Variants in NUP214 observed in about 807,000 individuals in gnomAD.
The protein encoded by NUP214 is nuclear pore complex protein Nup214.
A neutral mutation model predicts 196.2 loss-of-function variants in NUP214; 79 were observed. The observed-to-expected ratio is 0.40, with a 90% CI of 0.34 to 0.49. NUP214 has a LOEUF of 0.49. Among genes scored for constraint, NUP214 ranks in the 20% least tolerant of loss-of-function variants. The probability of loss-of-function intolerance (pLI) is 0.58; values close to 1 mark genes in which losing one functional copy is unlikely to be tolerated. For missense variants in NUP214, 2,468 were observed against 2,539.0 expected (o/e 0.97, Z 0.60); for synonymous variants, 1,020 against 990.5 (o/e 1.03, Z -0.56).
At chr9:131,202,816 G>T (rs1833974852) in intron 30 of NUP214, among the ~76,000 whole-genome samples, 1 of 152,050 alleles carries the variant, frequency 6.6e-6, no homozygotes, top group African/African-American at 2.4e-5. Context: ...TATCCCCTCT[G>T]CTACGCTATA....
At position 131,136,136 on chromosome 9, in the gene NUP214, G is replaced by A. The variant is rs1831719961; in HGVS notation, c.1005+130G>A. The A allele has an allele frequency of 5.7e-6, 4 of 702,938 alleles. No individual in the cohort carries two copies. The East Asian group carries it at 1.1e-4, about 20-fold the overall frequency. 43.5% of individuals were successfully genotyped at this position (702,938 alleles called of 1,614,324 possible). A position where few individuals can be genotyped will look rare whatever the true frequency, so the allele number is the denominator to read the frequency against. ...GCTTACTGCAACCTCTGCCTTCCAA[G>A]TTCAAGCAATTTTGTGCCTCAGCCT... On this transcript the variant is annotated intron_variant, in intron 9 of 35. Transcript: ENST00000359428.
rs778505994 is a variant in NUP214 at position 131,163,859 on chromosome 9, T to C, written c.2724-11T>C. The C allele has an allele frequency of 6.2e-7, 1 of 1,612,290 alleles. No individual in the cohort carries two copies. Among genetic ancestry groups the C allele is most frequent in the East Asian group, 2.2e-5 (1 of 44,868 alleles). The stretch of plus-strand genomic sequence containing the variant: ...CCTAGTTGGTCTGTATCTAACACTG[T>C]TCTGTTTCAGTTTTGACAGTGACCT... On this transcript the variant is annotated splice_polypyrimidine_tract_variant and intron_variant, in intron 19 of 35. Transcript: ENST00000359428.
At chr9:131,184,369 T>C (rs1361259238) in intron 24 of NUP214, among the ~76,000 whole-genome samples, 1 of 146,350 alleles carries the variant, frequency 6.8e-6, no homozygotes, top group Non-Finnish European at 1.5e-5. Flanking sequence ...AGTCTCGCTC[T>C]GTCACTCAGG....
chr9:131,211,341 G>T (rs551342685), intron 30 of NUP214, among the ~76,000 whole-genome samples: 4 of 152,130 alleles, frequency 2.6e-5, no homozygotes, highest in African/African-American at 9.7e-5. Context: ...CTTGAATTAG[G>T]ACCAAATAAA....
Position 131,222,796 on chromosome 9 carries a change from G to C in NUP214, c.5768G>C (p.Gly1923Ala). 6.2e-7 allele frequency: 1 copy of C among 1,614,000 alleles called. No individual in the cohort carries two copies. Among genetic ancestry groups the C allele is most frequent in the Non-Finnish European group, 8.5e-7 (1 of 1,179,972 alleles). The change falls in exon 32 of 36, where the codon GGA (glycine) becomes GCA (alanine). Residue 1923 changes from glycine (G) to alanine (A), a missense_variant. Transcript: ENST00000359428. ...TATSNTSNLFGNSGAKTFGGF... is the reference protein window; with the variant it reads ...TATSNTSNLFANSGAKTFGGF... The stretch of plus-strand genomic sequence containing the variant: ...TCTTCAGATACCTCTAACCTATTTG[G>C]AAACAGTGGGGCCAAGACATTTGGT...
At chr9:131,129,891 C>G (rs1244762768) in intron 4 of NUP214, among the ~76,000 whole-genome samples, 1 of 152,122 alleles carries the variant, frequency 6.6e-6, no homozygotes, top group East Asian at 1.9e-4. Context: ...GTGTGAGGCA[C>G]TGTGCCCGGC....
rs540810263 is a variant in NUP214, at chr9:131,128,702, A to C, written c.393+219A>C. ...ACGCCATCTGCCCTAAGTTGTTATC[A>C]GGAGGCTTAGGTGACTTGCCCAAAG... On this transcript the variant is annotated intron_variant, in intron 3 of 35. Coordinates refer to ENST00000359428, the MANE Select transcript of NUP214 (RefSeq NM_005085.4). 8 of 462,516 alleles carry C rather than the reference A, an allele frequency of 1.7e-5. No individual in the cohort carries two copies. The East Asian group carries it at 2.7e-4, about 16-fold the overall frequency. The allele number at this position is 462,516 out of a possible 1,614,324, so 28.7% of individuals were successfully genotyped here.
intron 17 of NUP214, among the ~76,000 whole-genome samples, chr9:131,157,179 A>G (rs1331684244): frequency 1.3e-5 from 2 of 150,594 alleles, no homozygotes; most frequent in African/African-American, 4.9e-5. Context: ...AATTTTGGAC[A>G]CGGTCTTTCT....
At chr9:131,225,482 C>T (rs1032223348) in intron 32 of NUP214, among the ~76,000 whole-genome samples, 1 of 152,220 alleles carries the variant, frequency 6.6e-6, no homozygotes, top group African/African-American at 2.4e-5. Context: ...TATGCCCCAA[C>T]TTTTCATAGT....
At position 131,232,237 on chromosome 9, in the gene NUP214, T is replaced by C; in HGVS notation, c.6215-47T>C. 6.2e-7 allele frequency: 1 copy of C among 1,612,704 alleles called. No homozygotes were observed. The highest frequency in any genetic ancestry group is 8.5e-7 in the Non-Finnish European group (1 of 1,178,694). On this transcript the variant is annotated intron_variant, in intron 34 of 35. Transcript: ENST00000359428. The surrounding 1 kb of genome is among the most constrained non-coding windows in gnomAD (Gnocchi z 5.1). ...ACTTAGCATGGGGACCACCTTTGTCTTTCGAGTGGATGCGTGCTTTAACTT... is the reference window on the plus strand; with the variant it reads ...ACTTAGCATGGGGACCACCTTTGTCCTTCGAGTGGATGCGTGCTTTAACTT...
chr9:131,153,827 T>C (rs1009720761), intron 17 of NUP214, among the ~76,000 whole-genome samples: 13 of 152,242 alleles, frequency 8.5e-5, no homozygotes, highest in Non-Finnish European at 1.8e-4. Context: ...TTACAGTTCA[T>C]GCAGGTTTAC....
intron 23 of NUP214, 92 bp from the exon 24 acceptor site, chr9:131,178,219 G>T: frequency 1.1e-6 from 1 of 882,028 alleles, no homozygotes; most frequent in South Asian, 1.5e-5. Flanking sequence ...ATCTGCTTGG[G>T]CTCATGTCTT....
Position 131,197,355 on chromosome 9 carries a change from A to G in NUP214, c.3861A>G (p.Glu1287=). ...CCGCATCAAACACCACCCCAGGAGA[A>G]CCTGCCGCATCTAGCAGCAGACCTG... ...ITSASNTTPG[E]PAASSSRPVA... Residue 1287 remains glutamate, a synonymous_variant, in exon 29 of 36, where the codon GAA becomes GAG. Coordinates refer to ENST00000359428, the MANE Select transcript of NUP214 (RefSeq NM_005085.4). The G allele has an allele frequency of 6.2e-7, 1 of 1,614,102 alleles. No homozygotes were observed. The highest frequency in any genetic ancestry group is 8.5e-7 in the Non-Finnish European group (1 of 1,180,014).
intron 7 of NUP214, 96 bp downstream of exon 7, chr9:131,133,305 T>G (rs532998361): frequency 2.3e-4 from 32 of 140,466 alleles, no homozygotes; most frequent in South Asian, 1.1e-3. Context: ...TGTGTTTGTG[T>G]TTTTTTTTTT....
intron 4 of NUP214, 109 bp from the exon 5 acceptor site, chr9:131,130,657 C>A: frequency 9.9e-7 from 1 of 1,012,984 alleles, no homozygotes; most frequent in Non-Finnish European, 1.5e-6. Context: ...ATCCTACAAT[C>A]TTCCATGGAC....
At chr9:131,134,329 G>C (rs555155090) in intron 7 of NUP214, among the ~76,000 whole-genome samples, 1 of 152,274 alleles carries the variant, frequency 6.6e-6, no homozygotes, top group East Asian at 1.9e-4. Context: ...GCCGTGTTAG[G>C]GATAGATGAT....
At chr9:131,196,917 T>A (rs1833805731) in intron 28 of NUP214, among the ~76,000 whole-genome samples, 1 of 152,222 alleles carries the variant, frequency 6.6e-6, no homozygotes, top group African/African-American at 2.4e-5. Flanking sequence ...GGGAAGAGGC[T>A]TTTTTATTTC....
intron 30 of NUP214, among the ~76,000 whole-genome samples, chr9:131,204,188 C>T (rs559550297): frequency 1.2e-4 from 19 of 152,306 alleles, no homozygotes; most frequent in African/African-American, 4.3e-4. Flanking sequence ...CACAGACTAC[C>T]TAAACTGTAA....
intron 25 of NUP214, among the ~76,000 whole-genome samples, chr9:131,188,326 C>T (rs1002713584): frequency 6.6e-6 from 1 of 152,200 alleles, no homozygotes; most frequent in Non-Finnish European, 1.5e-5. Flanking sequence ...AACAGTTAAA[C>T]AATCCAGAAA....
Sources: allele counts gnomAD v4.1 joint callset (sites outside exome capture counted in the v4.1 genomes callset), GRCh38; gene constraint gnomAD v4.1.1; non-coding constraint Gnocchi (gnomAD v3.1); transcripts MANE v1.5; gene names NCBI Gene and HGNC (gene_info 2026-07-23, HGNC 2026-07-21).